Variants in DENND5B observed in about 807,000 individuals in gnomAD.
The protein encoded by DENND5B is DENN domain containing 5B, also known as DENN domain-containing protein 5B.
DENND5B carries 34 observed loss-of-function variants against 140.6 expected under a neutral mutation model. The observed-to-expected ratio is 0.24, with a 90% CI of 0.18 to 0.32. The LOEUF is 0.32. DENND5B is among the 10% of genes least tolerant of loss of function. The probability of loss-of-function intolerance (pLI) is 1.00; values close to 1 mark genes in which losing one functional copy is unlikely to be tolerated. For missense variants in DENND5B, 1,142 were observed against 1,560.2 expected (o/e 0.73, Z 4.52); for synonymous variants, 551 against 562.1 (o/e 0.98, Z 0.28).
chr12:31,578,034 G>C lies in DENND5B; in HGVS notation c.127+12672C>G, dbSNP rs1950078617. On this transcript the variant is annotated intron_variant, in intron 1 of 20. Coordinates refer to ENST00000389082, the MANE Select transcript of DENND5B (RefSeq NM_144973.4). ...CCCAGCTATTTGGGGGACTGAGGCA[G>C]GAGTACTGCGTAAGCCCAGAAAGTG... 2.7e-5 allele frequency among the ~76,000 whole-genome samples: 4 copies of C among 150,164 alleles called. No individual in the cohort carries two copies. In the South Asian group the frequency reaches 8.4e-4, roughly 32 times the overall value.
At position 31,392,646 on chromosome 12, in the gene DENND5B, T is replaced by C; in HGVS notation, c.3307A>G (p.Ile1103Val). The change falls in exon 18 of 21, where the codon ATT (isoleucine) becomes GTT (valine). Residue 1103 changes from isoleucine to valine, a missense_variant. By Grantham distance (29) the Ile-to-Val change is conservative (BLOSUM62 3). This residue lies in a region of DENND5B where 8 missense variants were observed against 35.8 expected (regional missense o/e 0.22). Transcript: ENST00000389082. ...TCAGGTTTATGAAAATGTTTCACAA[T>C]ATTGTTCACAGCTTCTCCAATTCCT... ...QEGIGEAVNN[I>V]VKHFHKPEKE... 1 of 1,558,598 alleles carries C rather than the reference T, an allele frequency of 6.4e-7. No individual in the cohort carries two copies. The highest frequency in any genetic ancestry group is 8.7e-7 in the Non-Finnish European group (1 of 1,150,030).
At chr12:31,432,957 G>A in intron 8 of DENND5B, 198 bp downstream of exon 8, 1 of 518,232 alleles carries the variant, frequency 1.9e-6, no homozygotes, top group Non-Finnish European at 3.4e-6. Flanking sequence ...CCTTATTATA[G>A]ATGTCTTGAA....
chr12:31,494,648 T>C lies in DENND5B; in HGVS notation c.237+1162A>G, dbSNP rs534745201. Among the ~76,000 whole-genome samples, 33 of 152,278 alleles carry C rather than the reference T, an allele frequency of 2.2e-4. 1 individual carries two copies. The South Asian group carries it at 6.8e-3, about 32-fold the overall frequency. On this transcript the variant is annotated intron_variant, in intron 2 of 20. Coordinates refer to ENST00000389082, the MANE Select transcript of DENND5B (RefSeq NM_144973.4). ...AGGATGGTCGTGGGCCAAGTCTTCA[T>C]TTGCATAGGAGTGTAACTTTGTAAC...
At chr12:31,535,011 T>A (rs563027215) in intron 1 of DENND5B, 2 of 217,868 alleles carry the variant, frequency 9.2e-6, no homozygotes, top group Admixed American at 8.1e-5. Flanking sequence ...GAGGTGGAGG[T>A]TGCAGTGAGC....
chr12:31,418,613 C>T lies in DENND5B; in HGVS notation c.2471-3165G>A, dbSNP rs140489820. ...CCGGCCACAGCTTTCTTTTTGAGGA[C>T]AAAGTGAGATGGCTCAGAGAAGGCC... is the stretch of plus-strand genomic sequence containing the variant. On this transcript the variant is annotated intron_variant, in intron 11 of 20. Transcript: ENST00000389082. 4.2e-3 allele frequency among the ~76,000 whole-genome samples: 635 copies of T among 151,920 alleles called. 5 individuals are homozygous for T. The highest frequency in any genetic ancestry group is 0.014 in the African/African-American group (577 of 41,440).
intron 12 of DENND5B, among the ~76,000 whole-genome samples, chr12:31,414,921 C>CAAA (rs34987633): frequency 1.8e-5 from 2 of 109,612 alleles, no homozygotes; most frequent in Admixed American, 1.0e-4. Context: ...GACGCCATCT[C>CAAA]AAAAAAAAAA....
chr12:31,484,477 G>T (rs535137346), intron 2 of DENND5B, among the ~76,000 whole-genome samples: 1 of 152,112 alleles, frequency 6.6e-6, no homozygotes, highest in South Asian at 2.1e-4. Flanking sequence ...CGGTAAGTGG[G>T]TGCCTCATGA....
At chr12:31,508,874 A>G (rs1281488903) in intron 1 of DENND5B, among the ~76,000 whole-genome samples, 2 of 152,208 alleles carry the variant, frequency 1.3e-5, no homozygotes, top group Non-Finnish European at 2.9e-5. Context: ...TCCCAGTTCT[A>G]TCAGAGACTG....
chr12:31,481,567 T>A (rs1946072293), intron 2 of DENND5B, among the ~76,000 whole-genome samples: 1 of 151,564 alleles, frequency 6.6e-6, no homozygotes, highest in Admixed American at 6.6e-5. Context: ...TCAGGACGAG[T>A]ATAGGTCTTA....
chr12:31,570,277 C>T (rs1312851030), intron 1 of DENND5B, among the ~76,000 whole-genome samples: 1 of 141,596 alleles, frequency 7.1e-6, no homozygotes, highest in African/African-American at 2.6e-5. Flanking sequence ...AATTCTCTCT[C>T]TTTTTTTTTT....
At chr12:31,473,330 T>C (rs552575175) in intron 3 of DENND5B, among the ~76,000 whole-genome samples, 22 of 152,294 alleles carry the variant, frequency 1.4e-4, no homozygotes, top group Admixed American at 9.8e-4. Flanking sequence ...TTGAATGAAA[T>C]TGGAATGTTT....
intron 1 of DENND5B, among the ~76,000 whole-genome samples, chr12:31,565,852 A>C (rs1949607620): frequency 6.6e-6 from 1 of 152,174 alleles, no homozygotes; most frequent in South Asian, 2.1e-4. Flanking sequence ...TAAAAACTAA[A>C]AAATAGTGGC....
intron 11 of DENND5B, among the ~76,000 whole-genome samples, chr12:31,423,140 C>T (rs981731542): frequency 3.3e-5 from 5 of 151,996 alleles, no homozygotes; most frequent in South Asian, 2.1e-4. Flanking sequence ...GGGGTTTCAC[C>T]GTGTTGGCCA....
At chr12:31,541,615 C>T (rs556609423) in intron 1 of DENND5B, among the ~76,000 whole-genome samples, 1 of 152,156 alleles carries the variant, frequency 6.6e-6, no homozygotes, top group Non-Finnish European at 1.5e-5. Flanking sequence ...TAAATTAGTA[C>T]AACCACTATG....
At chr12:31,562,471 G>T (rs192328130) in intron 1 of DENND5B, among the ~76,000 whole-genome samples, 20 of 152,060 alleles carry the variant, frequency 1.3e-4, no homozygotes, top group African/African-American at 4.6e-4. Flanking sequence ...TTAGCTGGGC[G>T]TGGTGGCGGG....
chr12:31,432,136 CA>C (rs1217531084), intron 8 of DENND5B: 12 of 984,644 alleles, frequency 1.2e-5, no homozygotes, highest in Non-Finnish European at 1.4e-5. Flanking sequence ...TCTGACAGAC[CA>C]AAAGTTCCCC....
chr12:31,579,618 G>A (rs1479036893), intron 1 of DENND5B, among the ~76,000 whole-genome samples: 18 of 151,892 alleles, frequency 1.2e-4, no homozygotes, highest in Non-Finnish European at 5.9e-5. Flanking sequence ...GCGAGATTGC[G>A]CCACTGCACT....
intron 2 of DENND5B, among the ~76,000 whole-genome samples, chr12:31,483,270 A>T: frequency 6.6e-6 from 1 of 152,174 alleles, no homozygotes; most frequent in East Asian, 1.9e-4. Flanking sequence ...CTTTTTCTAT[A>T]AAGAGACAGA....
Position 31,447,523 on chromosome 12 carries a change from GC to G in DENND5B, c.1861+14del. On this transcript the variant is annotated intron_variant, in intron 6 of 20. Coordinates refer to ENST00000389082, the MANE Select transcript of DENND5B (RefSeq NM_144973.4). The stretch of plus-strand genomic sequence containing the variant: ...AATGGATTTTAATTTAATTTAAAAG[GC>G]ATGGCAAATGTACCTGCTTCTTTTA... 1 of 1,584,448 alleles carries G rather than the reference GC, an allele frequency of 6.3e-7. No homozygotes were observed. The highest frequency in any genetic ancestry group is 2.2e-5 in the East Asian group (1 of 44,488).
Sources: gnomAD v4.1 joint callset for allele counts (sites outside exome capture counted in the v4.1 genomes callset) on GRCh38, gnomAD v4.1.1 for gene constraint, gnomAD v4.1.1 regional missense constraint, MANE v1.5 for transcripts, NCBI Gene and HGNC (gene_info 2026-07-23, HGNC 2026-07-21) for gene names.